Variants in IL1RAPL1 observed in about 807,000 individuals in gnomAD.
The protein encoded by IL1RAPL1 is interleukin 1 receptor accessory protein like 1, also known as interleukin-1 receptor accessory protein-like 1.
In IL1RAPL1, 3 loss-of-function variants were observed where a neutral mutation model predicts 48.4. The ratio of observed to expected loss-of-function variants is 0.06; its 90% CI spans 0.03 to 0.16. The LOEUF (loss-of-function observed/expected upper bound fraction) is 0.16, where lower values mean the gene tolerates loss of function less well. Ranked by LOEUF, IL1RAPL1 falls within the 10% of genes least tolerant of loss-of-function variation. The pLI is 1.00. For synonymous variants in IL1RAPL1, 185 were observed against 187.7 expected (o/e 0.99, Z 0.12); for missense variants, 349 against 530.6 (o/e 0.66, Z 3.36).
At chrX:29,365,657 C>G (rs1200951814) in intron 3 of IL1RAPL1, among the ~76,000 whole-genome samples, 1 of 104,862 alleles carries the variant, frequency 9.5e-6, no homozygotes, top group Non-Finnish European at 2.0e-5. Flanking sequence ...TGCTGTCCAG[C>G]CTGGGTGACC....
chrX:29,036,431 A>T (rs993057925), intron 2 of IL1RAPL1, among the ~76,000 whole-genome samples: 1 of 112,425 alleles, frequency 8.9e-6, no homozygotes, highest in African/African-American at 3.2e-5. Context: ...GTTTCCGGCC[A>T]TCAGTACACA....
chrX:29,863,009 A>G (rs900835129), intron 6 of IL1RAPL1, among the ~76,000 whole-genome samples: 2 of 108,200 alleles, frequency 1.8e-5, no homozygotes, highest in Non-Finnish European at 3.8e-5. Flanking sequence ...AAAAAATAGT[A>G]GAGACATTTT....
intron 5 of IL1RAPL1, among the ~76,000 whole-genome samples, chrX:29,499,958 ATTC>A (rs2147759134): frequency 9.0e-6 from 1 of 110,840 alleles, no homozygotes; most frequent in South Asian, 3.8e-4. Flanking sequence ...AAACATTAGA[ATTC>A]TTCTTTTTTC....
At chrX:29,595,045 G>T (rs939425679) in intron 5 of IL1RAPL1, among the ~76,000 whole-genome samples, 2 of 112,122 alleles carry the variant, frequency 1.8e-5, no homozygotes, top group African/African-American at 6.5e-5. Context: ...CACCCAGGTT[G>T]CTGCAAATGT....
At chrX:29,708,906 C>G (rs1322458548) in intron 6 of IL1RAPL1, among the ~76,000 whole-genome samples, 1 of 112,133 alleles carries the variant, frequency 8.9e-6, no homozygotes, top group Non-Finnish European at 1.9e-5. Flanking sequence ...TGATAATACT[C>G]ATTCTAACAG....
chrX:28,691,022 A>G (rs1935171893), intron 1 of IL1RAPL1, among the ~76,000 whole-genome samples: 1 of 111,680 alleles, frequency 9.0e-6, no homozygotes, highest in South Asian at 3.7e-4. Context: ...AATCATTTTT[A>G]AAGACCTCCA....
At chrX:29,143,591 A>C (rs768074976) in intron 2 of IL1RAPL1, among the ~76,000 whole-genome samples, 4 of 111,800 alleles carry the variant, frequency 3.6e-5, no homozygotes, top group African/African-American at 6.5e-5. Context: ...TGTATATGCT[A>C]CCCACCCATT....
chrX:28,864,263 A>G (rs1227523012), intron 2 of IL1RAPL1, among the ~76,000 whole-genome samples: 1 of 111,921 alleles, frequency 8.9e-6, no homozygotes, highest in East Asian at 2.8e-4. Context: ...TTTTTAATGT[A>G]TCTTTTTATT....
chrX:29,326,499 G>C (rs929601645), intron 3 of IL1RAPL1, among the ~76,000 whole-genome samples: 1 of 112,456 alleles, frequency 8.9e-6, no homozygotes, highest in Non-Finnish European at 1.9e-5. Flanking sequence ...TTTAGAATCT[G>C]TGTTTACCTT....
intron 1 of IL1RAPL1, among the ~76,000 whole-genome samples, chrX:28,775,198 G>T (rs758051011): frequency 9.0e-6 from 1 of 111,528 alleles, no homozygotes; most frequent in South Asian, 3.8e-4. Context: ...CCACAAACAG[G>T]GTAGCTTGAA....
intron 6 of IL1RAPL1, among the ~76,000 whole-genome samples, chrX:29,906,943 T>G (rs993144419): frequency 5.4e-5 from 6 of 110,986 alleles, no homozygotes; most frequent in African/African-American, 1.3e-4. Flanking sequence ...AAATGTAACA[T>G]CTAAGCCATA....
intron 2 of IL1RAPL1, among the ~76,000 whole-genome samples, chrX:29,147,683 G>A (rs979956074): frequency 2.7e-5 from 3 of 111,982 alleles, no homozygotes; most frequent in Non-Finnish European, 5.6e-5. Context: ...TGCATTCTGT[G>A]GAAGTTCTTT....
chrX:29,563,859 AG>A (rs1302672599), intron 5 of IL1RAPL1, among the ~76,000 whole-genome samples: 1 of 112,242 alleles, frequency 8.9e-6, no homozygotes, highest in Non-Finnish European at 1.9e-5. Flanking sequence ...GAACAACAAA[AG>A]GAGTTTCAAA....
At chrX:29,452,624 T>A (rs1934692389) in intron 5 of IL1RAPL1, among the ~76,000 whole-genome samples, 1 of 111,540 alleles carries the variant, frequency 9.0e-6, no homozygotes, top group Non-Finnish European at 1.9e-5. Flanking sequence ...ATCAGCTCAA[T>A]GAGAACATGT....
chrX:29,176,731 A>G (rs2147517357), intron 2 of IL1RAPL1, among the ~76,000 whole-genome samples: 1 of 110,858 alleles, frequency 9.0e-6, no homozygotes, highest in East Asian at 2.8e-4. Context: ...GACTTTCTGT[A>G]TGATGAATGG....
At chrX:29,443,129 A>G (rs1291704025) in intron 5 of IL1RAPL1, among the ~76,000 whole-genome samples, 1 of 110,285 alleles carries the variant, frequency 9.1e-6, no homozygotes, top group Non-Finnish European at 1.9e-5. Context: ...AGAATCATAT[A>G]TATGGAAACT....
At chrX:28,704,099 A>G (rs778587450) in intron 1 of IL1RAPL1, among the ~76,000 whole-genome samples, 20 of 111,828 alleles carry the variant, frequency 1.8e-4, no homozygotes, top group Non-Finnish European at 3.4e-4. Flanking sequence ...GATGAAAAGT[A>G]TCCTAGTATC....
chrX:28,743,704 C>T (rs771342454), intron 1 of IL1RAPL1, among the ~76,000 whole-genome samples: 20 of 107,077 alleles, frequency 1.9e-4, no homozygotes, highest in East Asian at 3.0e-4. Flanking sequence ...TCTCCATCAC[C>T]GATTCTTTTC....
Position 29,232,348 on chromosome X carries a change from A to AT in IL1RAPL1, c.83-50584dup, listed in dbSNP as rs1371166633. Among the ~76,000 whole-genome samples, 4 of 112,139 alleles carry AT rather than the reference A, an allele frequency of 3.6e-5. No homozygotes were observed. The Admixed American group carries it at 3.8e-4, about 11-fold the overall frequency. On this transcript the variant is annotated intron_variant, in intron 2 of 10. Transcript: ENST00000378993. ...AAATATAGGCTAGTAACTAAAACAT[A>AT]TTTTTTAATGCCTACTATATGTTCC...
Sources: allele counts gnomAD v4.1 joint callset (sites outside exome capture counted in the v4.1 genomes callset), GRCh38; gene constraint gnomAD v4.1.1; transcripts MANE v1.5; gene names NCBI Gene and HGNC (gene_info 2026-07-23, HGNC 2026-07-21).